The following ABTB3 variants were observed in gnomAD, a reference collection of about 807,000 sequenced individuals.
The protein encoded by ABTB3 is ankyrin repeat- and BTB/POZ domain-containing protein 3.
At chr12:107,581,071 G>T in the ABTB3 span, 1 of 1,540,694 alleles carries the variant, frequency 6.5e-7, no homozygotes, top group Non-Finnish European at 8.7e-7. Flanking sequence ...ATCCCCGCGA[G>T]CAGGGGGTGG....
At chr12:107,506,303 A>G in the ABTB3 span, among the ~76,000 whole-genome samples, 13 of 152,240 alleles carry the variant, frequency 8.5e-5, no homozygotes, top group Non-Finnish European at 1.8e-4. Flanking sequence ...AGAAAGACCA[A>G]TAACTTTGCC....
the ABTB3 span, among the ~76,000 whole-genome samples, chr12:107,527,916 G>T: frequency 6.6e-6 from 1 of 152,164 alleles, no homozygotes; most frequent in Non-Finnish European, 1.5e-5. Flanking sequence ...TCTGTGCTGT[G>T]TGACTTAGGG....
chr12:107,564,086 C>G, the ABTB3 span, among the ~76,000 whole-genome samples: 3 of 107,696 alleles, frequency 2.8e-5, no homozygotes, highest in East Asian at 5.7e-4. Context: ...CTCTATCTAT[C>G]TCTCTGTGTG....
chr12:107,569,555 G>A, the ABTB3 span, among the ~76,000 whole-genome samples: 1 of 152,188 alleles, frequency 6.6e-6, no homozygotes, highest in African/African-American at 2.4e-5. Flanking sequence ...CAAATATCGA[G>A]TCTCAAGTTT....
the ABTB3 span, among the ~76,000 whole-genome samples, chr12:107,408,900 C>A: frequency 1.3e-5 from 2 of 152,336 alleles, no homozygotes; most frequent in Admixed American, 6.5e-5. Flanking sequence ...TGAGCAAGAC[C>A]CAGGATCCTG....
chr12:107,502,153 C>T, the ABTB3 span, among the ~76,000 whole-genome samples: 1 of 151,880 alleles, frequency 6.6e-6, no homozygotes, highest in Admixed American at 6.6e-5. Flanking sequence ...CAACCTCTGC[C>T]TCCTGGGTTC....
the ABTB3 span, among the ~76,000 whole-genome samples, chr12:107,572,828 T>C: frequency 1.9e-4 from 29 of 152,128 alleles, no homozygotes; most frequent in Non-Finnish European, 2.9e-4. Flanking sequence ...TTGTTGTTAT[T>C]CATGTATTAT....
At chr12:107,577,724 G>C in the ABTB3 span, among the ~76,000 whole-genome samples, 2 of 152,072 alleles carry the variant, frequency 1.3e-5, no homozygotes, top group African/African-American at 4.8e-5. Context: ...GCTCATCTCA[G>C]GCCACGTGGT....
the ABTB3 span, among the ~76,000 whole-genome samples, chr12:107,538,617 C>T: frequency 3.3e-5 from 5 of 152,286 alleles, no homozygotes; most frequent in Admixed American, 2.0e-4. Flanking sequence ...TCCAGGCCTC[C>T]GTTGTTGTTG....
chr12:107,348,240 AAT>A, the ABTB3 span, among the ~76,000 whole-genome samples: 3 of 151,948 alleles, frequency 2.0e-5, no homozygotes, highest in South Asian at 2.1e-4. Context: ...TGTATATAGA[AAT>A]ATATATATAC....
At chr12:107,356,213 A>G in the ABTB3 span, among the ~76,000 whole-genome samples, 1 of 152,208 alleles carries the variant, frequency 6.6e-6, no homozygotes, top group Non-Finnish European at 1.5e-5. Context: ...CGTCATAGGT[A>G]GGCTGTGTCT....
At chr12:107,642,415 G>A in the ABTB3 span, among the ~76,000 whole-genome samples, 17 of 152,310 alleles carry the variant, frequency 1.1e-4, no homozygotes, top group Non-Finnish European at 2.1e-4. Flanking sequence ...GATAAAGGAT[G>A]TCCTCTCCTG....
At chr12:107,469,866 T>TTTCTTTC in the ABTB3 span, among the ~76,000 whole-genome samples, 53 of 75,578 alleles carry the variant, frequency 7.0e-4, 1 homozygote, top group Middle Eastern at 6.3e-3. Flanking sequence ...TCTTTCTTTC[T>TTTCTTTC]TTTCTTTCTT....
chr12:107,498,890 C>G, the ABTB3 span, among the ~76,000 whole-genome samples: 1 of 152,218 alleles, frequency 6.6e-6, no homozygotes, highest in Non-Finnish European at 1.5e-5. Flanking sequence ...ATGTTAGGAA[C>G]ATAGTACTAT....
At chr12:107,321,464 C>G in the ABTB3 span, among the ~76,000 whole-genome samples, 76 of 152,182 alleles carry the variant, frequency 5.0e-4, no homozygotes, top group Non-Finnish European at 8.1e-4. Context: ...AAGGAAGGAG[C>G]AAAGCGGGTG....
chr12:107,467,446 G>A, the ABTB3 span, among the ~76,000 whole-genome samples: 1 of 152,156 alleles, frequency 6.6e-6, no homozygotes, highest in African/African-American at 2.4e-5. Flanking sequence ...ACTCCTGACA[G>A]CCTTGGCACC....
the ABTB3 span, among the ~76,000 whole-genome samples, chr12:107,407,668 T>C: frequency 6.6e-6 from 1 of 152,146 alleles, no homozygotes; most frequent in Non-Finnish European, 1.5e-5. Context: ...AGTTCCCCTT[T>C]AGTGGAAAGA....
chr12:107,392,628 T>A, the ABTB3 span, among the ~76,000 whole-genome samples: 1 of 152,200 alleles, frequency 6.6e-6, no homozygotes, highest in Non-Finnish European at 1.5e-5. Context: ...AGAAGGGCTA[T>A]CTTTGACCAA....
At chr12:107,601,959 C>T in the ABTB3 span, among the ~76,000 whole-genome samples, 3 of 152,126 alleles carry the variant, frequency 2.0e-5, no homozygotes, top group African/African-American at 4.8e-5. Context: ...AAGGGATGAA[C>T]CCGGGCAGCC....
Sources: gnomAD v4.1 joint callset for allele counts (sites outside exome capture counted in the v4.1 genomes callset) on GRCh38, gnomAD v4.1.1 for gene constraint, MANE v1.5 for transcripts, NCBI Gene and HGNC (gene_info 2026-07-23, HGNC 2026-07-21) for gene names.